ARAP1: variants seen among roughly 807,000 people sequenced by gnomAD.
The protein encoded by ARAP1 is arf-GAP with Rho-GAP domain, ANK repeat and PH domain-containing protein 1.
A neutral mutation model predicts 172.2 loss-of-function variants in ARAP1; 76 were observed. The observed-to-expected ratio is 0.44, with a 90% CI of 0.37 to 0.53. The LOEUF (loss-of-function observed/expected upper bound fraction) is 0.53. Ranked by LOEUF, ARAP1 falls within the 20% of genes least tolerant of loss-of-function variation. The pLI is 0.00. For synonymous variants in ARAP1, 804 were observed against 803.3 expected, an observed-to-expected ratio of 1.00 and a Z score of -0.01; for missense variants, 1,686 against 1,977.5, an observed-to-expected ratio of 0.85 and a Z score of 2.80.
At position 72,699,558 on chromosome 11, in the gene ARAP1, G is replaced by A. The variant is rs1465482983; in HGVS notation, c.2303-6C>T. 2 of 1,610,454 alleles carry A rather than the reference G, an allele frequency of 1.2e-6. No homozygotes were observed. The highest frequency in any genetic ancestry group is 2.2e-5 in the East Asian group (1 of 44,756). ...ACACCAGCGCCGGCTGAACTCTGGG[G>A]AGAATTTGGGCAGGGGAGCCATCAG... On this transcript the variant is annotated splice_polypyrimidine_tract_variant and splice_region_variant and intron_variant, in intron 16 of 34. Transcript: ENST00000393609. This position sits in a 1 kb window ranked among gnomAD's most constrained non-coding sequence, Gnocchi z 4.2.
At chr11:72,712,635 C>T in intron 5 of ARAP1, 67 bp from the exon 6 acceptor site, 5 of 1,604,020 alleles carry the variant, frequency 3.1e-6, no homozygotes, top group Non-Finnish European at 4.2e-6. Context: ...CCCGGGGCTG[C>T]CACGCCCCCT....
chr11:72,685,945 G>A (rs12805218), intron 34 of ARAP1, 97 bp downstream of exon 34: 840,004 of 1,600,996 alleles, frequency 0.52, 224,844 homozygotes, highest in Middle Eastern at 0.64. Flanking sequence ...GAGGGCAATC[G>A]GGGAGGGCAA....
At chr11:72,704,127 G>C in intron 14 of ARAP1, 25 bp downstream of exon 14, 2 of 1,613,860 alleles carry the variant, frequency 1.2e-6, no homozygotes, top group Non-Finnish European at 1.7e-6. Flanking sequence ...GGTCCCAAGG[G>C]GCCCCAGAGC....
In ARAP1 at chr11:72,697,477, G is replaced by A. The variant is rs754530059; in HGVS notation, c.2799C>T (p.Tyr933=). 9 of 1,613,304 alleles carry A rather than the reference G, an allele frequency of 5.6e-6. No individual in the cohort carries two copies. Among genetic ancestry groups the A allele is most frequent in the Non-Finnish European group, 7.6e-6 (9 of 1,179,716 alleles). The change falls in exon 21 of 35, where the codon TAC becomes TAT. Residue 933 remains tyrosine, a synonymous_variant. Coordinates refer to ENST00000393609, the MANE Select transcript of ARAP1 (RefSeq NM_001040118.3). The part of the protein sequence containing the change: ...LVLVERRRTL[Y]IQGERRLDFM... ...AGTCCAGCCGCCGCTCGCCCTGTAT[G>A]TACAGTGTCCTGGGCCAGGGACAGT...
chr11:72,721,604 G>A (rs531057727), intron 3 of ARAP1, among the ~76,000 whole-genome samples: 1 of 152,130 alleles, frequency 6.6e-6, no homozygotes, highest in African/African-American at 2.4e-5. Flanking sequence ...CGTATGGGGA[G>A]GTGGAGACCT....
chr11:72,723,379 C>G (rs1857588776), intron 3 of ARAP1, among the ~76,000 whole-genome samples: 1 of 152,046 alleles, frequency 6.6e-6, no homozygotes, highest in African/African-American at 2.4e-5. Flanking sequence ...TGTAGAGTCC[C>G]CCTAGGCCAG....
chr11:72,711,381 C>T (rs1458448029), intron 8 of ARAP1, 49 bp downstream of exon 8: 1 of 1,585,698 alleles, frequency 6.3e-7, no homozygotes, highest in Non-Finnish European at 8.7e-7. Flanking sequence ...AGTGTTGGGG[C>T]CAGCCTAGGC....
chr11:72,726,472 C>T lies in ARAP1; in HGVS notation c.509+148G>A. 1 of 1,122,112 alleles carries T rather than the reference C, an allele frequency of 8.9e-7. No homozygotes were observed. The highest frequency in any genetic ancestry group is 1.6e-5 in the South Asian group (1 of 60,824). 69.5% of individuals were successfully genotyped at this position (1,122,112 alleles called of 1,614,324 possible). A position where few individuals can be genotyped will look rare whatever the true frequency, so the allele number is the denominator to read the frequency against. On this transcript the variant is annotated intron_variant, in intron 3 of 34. Transcript: ENST00000393609. This position sits in a 1 kb window ranked among gnomAD's most constrained non-coding sequence, Gnocchi z 6.5. ...CCCCTCCTCCTGAGTCACCAGACAG[C>T]AATCCTGTCCTCCGAGCTTTGCACA...
chr11:72,697,772 GCAC>G lies in ARAP1; in HGVS notation c.2738-126_2738-124del, dbSNP rs1008809624. 2.0e-5 allele frequency: 30 copies of G among 1,508,464 alleles called. No individual in the cohort carries two copies. In the African/African-American group the frequency reaches 4.1e-4, roughly 21 times the overall value. 93.4% of individuals were successfully genotyped at this position (1,508,464 alleles called of 1,614,324 possible). On this transcript the variant is annotated intron_variant, in intron 19 of 34. Transcript: ENST00000393609. ...CACCAATGTATGGGGTGGCTGAGAT[GCAC>G]CCCAAGGACATGAGAGGGCAGGATG... is the stretch of plus-strand genomic sequence containing the variant.
intron 2 of ARAP1, among the ~76,000 whole-genome samples, chr11:72,730,978 G>A (rs540692242): frequency 6.6e-6 from 1 of 152,310 alleles, no homozygotes; most frequent in East Asian, 1.9e-4. Context: ...TGTTAAAGGA[G>A]TAAAGAAAAG....
chr11:72,725,302 C>CTCTCTCTCTCTCTCTCTCTCTCTTTT lies in ARAP1; in HGVS notation c.509+1317_509+1318insAAAAGAGAGAGAGAGAGAGAGAGAGA, dbSNP rs754785899. Among the ~76,000 whole-genome samples the CTCTCTCTCTCTCTCTCTCTCTCTTTT allele has an allele frequency of 2.0e-5, 3 of 150,286 alleles. No homozygotes were observed. Among genetic ancestry groups the CTCTCTCTCTCTCTCTCTCTCTCTTTT allele is most frequent in the Non-Finnish European group, 4.5e-5 (3 of 66,774 alleles). Reference sequence around the variant, plus strand: ...TCCTCTTCTCTCTTCTAACCTCTCTCTCTCTCTCTCTCTCTCTTTTTCTCT... The same window carrying CTCTCTCTCTCTCTCTCTCTCTCTTTT: ...TCCTCTTCTCTCTTCTAACCTCTCTCTCTCTCTCTCTCTCTCTCTCTCTTTTTCTCTCTCTCTCTCTCTTTTTCTCT... On this transcript the variant is annotated intron_variant, in intron 3 of 34. Coordinates refer to ENST00000393609, the MANE Select transcript of ARAP1 (RefSeq NM_001040118.3). This position sits in a 1 kb window ranked among gnomAD's most constrained non-coding sequence, Gnocchi z 4.3.
chr11:72,718,871 A>G (rs539556775), intron 3 of ARAP1, among the ~76,000 whole-genome samples: 6 of 152,262 alleles, frequency 3.9e-5, no homozygotes, highest in Admixed American at 3.3e-4. Flanking sequence ...TCCCATCCTC[A>G]TTGGGGTATC....
intron 4 of ARAP1, among the ~76,000 whole-genome samples, 200 bp from the exon 5 acceptor site, chr11:72,713,443 G>C (rs192425381): frequency 6.6e-6 from 1 of 152,224 alleles, no homozygotes; most frequent in South Asian, 2.1e-4. Flanking sequence ...GGGTGGCAGA[G>C]GAGAAGCTGG....
At chr11:72,707,433 C>T in intron 11 of ARAP1, 59 bp from the exon 12 acceptor site, 1 of 1,486,262 alleles carries the variant, frequency 6.7e-7, no homozygotes, top group Non-Finnish European at 9.2e-7. Context: ...TTGGGGGCAG[C>T]ATGAGGATGC....
At chr11:72,706,762 C>T (rs1041022446) in intron 12 of ARAP1, among the ~76,000 whole-genome samples, 4 of 152,314 alleles carry the variant, frequency 2.6e-5, no homozygotes, top group Admixed American at 2.0e-4. Flanking sequence ...ACCATGTCCC[C>T]GCCTCCCATC....
At chr11:72,735,432 T>TA (rs1376802574) in intron 1 of ARAP1, among the ~76,000 whole-genome samples, 1 of 151,882 alleles carries the variant, frequency 6.6e-6, no homozygotes, top group African/African-American at 2.4e-5. Context: ...CTGTCTCTAC[T>TA]AAAAATACAA....
chr11:72,730,562 G>A (rs763032916), intron 2 of ARAP1, among the ~76,000 whole-genome samples: 19 of 152,214 alleles, frequency 1.2e-4, no homozygotes, highest in Non-Finnish European at 2.1e-4. Flanking sequence ...GCCAGGCACA[G>A]TGGCAGACAC....
intron 2 of ARAP1, among the ~76,000 whole-genome samples, chr11:72,731,206 G>C (rs1263151072): frequency 2.6e-5 from 4 of 152,170 alleles, no homozygotes; most frequent in African/African-American, 9.7e-5. Flanking sequence ...GAAGTTCATG[G>C]GACCTGAAGC....
intron 11 of ARAP1, among the ~76,000 whole-genome samples, chr11:72,708,802 C>T (rs534796253): frequency 6.6e-5 from 10 of 152,230 alleles, no homozygotes; most frequent in South Asian, 2.1e-4. Flanking sequence ...TTTGGGAGGC[C>T]GAGGTGGGTG....
Sources: gnomAD v4.1 joint callset for allele counts (sites outside exome capture counted in the v4.1 genomes callset) on GRCh38, gnomAD v4.1.1 for gene constraint, Gnocchi (gnomAD v3.1) non-coding constraint, MANE v1.5 for transcripts, NCBI Gene and HGNC (gene_info 2026-07-23, HGNC 2026-07-21) for gene names.